The following AFF1 variants were observed in gnomAD, a reference collection of about 807,000 sequenced individuals.
AFF1 encodes AF4/FMR2 family member 1.
In AFF1, 48 loss-of-function variants were observed where a neutral mutation model predicts 121.7. The observed-to-expected ratio is 0.39, with a 90% CI of 0.31 to 0.50. The LOEUF is 0.50. Among genes scored for constraint, AFF1 ranks in the 20% least tolerant of loss-of-function variants. The probability of loss-of-function intolerance (pLI) is 0.76; values close to 1 mark genes in which losing one functional copy is unlikely to be tolerated. For missense variants in AFF1, 1,523 were observed against 1,511.7 expected (o/e 1.01, Z -0.12); for synonymous variants, 613 against 563.0 (o/e 1.09, Z -1.26).
intron 10 of AFF1, among the ~76,000 whole-genome samples, chr4:87,106,722 T>C (rs1208625892): frequency 1.3e-5 from 2 of 152,226 alleles, no homozygotes; most frequent in Non-Finnish European, 2.9e-5. Flanking sequence ...CCTCTGGTAA[T>C]ATGCCAGGTA....
At chr4:87,043,662 T>G (rs12506102) in intron 2 of AFF1, among the ~76,000 whole-genome samples, 84 of 152,346 alleles carry the variant, frequency 5.5e-4, no homozygotes, top group Non-Finnish European at 5.0e-4. Context: ...ACACGACCAG[T>G]TTCTGGTTCA....
At chr4:86,970,420 TA>T (rs1560508778) in intron 2 of AFF1, among the ~76,000 whole-genome samples, 1 of 152,196 alleles carries the variant, frequency 6.6e-6, no homozygotes, top group Non-Finnish European at 1.5e-5. Flanking sequence ...GCTACCTCCT[TA>T]AGAAGATAAA....
intron 2 of AFF1, among the ~76,000 whole-genome samples, chr4:87,017,605 T>A (rs1727434386): frequency 6.6e-6 from 1 of 152,246 alleles, no homozygotes; most frequent in Non-Finnish European, 1.5e-5. Context: ...AAATCCTTTA[T>A]TTTATAATTG....
chr4:87,088,846 C>T lies in AFF1; in HGVS notation c.1105-1138C>T, dbSNP rs777740746. 2.6e-4 allele frequency among the ~76,000 whole-genome samples: 39 copies of T among 152,114 alleles called. No homozygotes were observed. The Middle Eastern group carries it at 0.01, about 40-fold the overall frequency. ...AGGCTGGAGTGCAATGGCACGATCT[C>T]GGCTCACTGCAACCTCAGCCTCCCG... On this transcript the variant is annotated intron_variant, in intron 5 of 20. Transcript: ENST00000395146.
chr4:87,107,374 A>G (rs1035784452), intron 10 of AFF1, among the ~76,000 whole-genome samples: 1 of 152,220 alleles, frequency 6.6e-6, no homozygotes, highest in African/African-American at 2.4e-5. Flanking sequence ...AGTGTGATCA[A>G]TGTGTTTTCT....
Position 87,131,860 on chromosome 4 carries a change from T to C in AFF1, c.3169T>C (p.Leu1057=), listed in dbSNP as rs573071957. ...APTQEKIFAV[L]CMRCQSILNM... ...AACACAAGAGAAAATATTTGCTGTT[T>C]TATGGTGCGTATTTTCCTTTGTCTA... The change falls in exon 18 of 21, where the codon TTA becomes CTA. Residue 1057 remains leucine (L), a synonymous_variant. Coordinates refer to ENST00000395146, the MANE Select transcript of AFF1 (RefSeq NM_001166693.3). The C allele has an allele frequency of 1.9e-6, 3 of 1,584,308 alleles. No homozygotes were observed. Among genetic ancestry groups the C allele is most frequent in the African/African-American group, 1.4e-5 (1 of 73,094 alleles).
rs79282535 is a variant in AFF1, at chr4:87,036,322, C to T, written c.39-9844C>T. Among the ~76,000 whole-genome samples the T allele has an allele frequency of 4.1e-3, 623 of 152,232 alleles. 2 individuals carry two copies. The highest frequency in any genetic ancestry group is 0.014 in the African/African-American group (586 of 41,510). ...CTGAAATTTGTCAGTAACATCAATACGCTGACATTGCATATAACATAAAGA... is the reference window on the plus strand; with the variant it reads ...CTGAAATTTGTCAGTAACATCAATATGCTGACATTGCATATAACATAAAGA... On this transcript the variant is annotated intron_variant, in intron 2 of 20. Coordinates refer to ENST00000395146, the MANE Select transcript of AFF1 (RefSeq NM_001166693.3).
At chr4:87,069,271 CTTTTTTTT>C (rs753186809) in intron 4 of AFF1, among the ~76,000 whole-genome samples, 17 of 80,568 alleles carry the variant, frequency 2.1e-4, no homozygotes, top group East Asian at 8.2e-4. Flanking sequence ...TGTGTGGCCT[CTTTTTTTT>C]TTTTTTTTTT....
chr4:87,116,010 T>A lies in AFF1; in HGVS notation c.2466+711T>A, dbSNP rs367682080. On this transcript the variant is annotated intron_variant, in intron 12 of 20. Coordinates refer to ENST00000395146, the MANE Select transcript of AFF1 (RefSeq NM_001166693.3). ...ATCTGATCTGAATTGAAATGTTAAT[T>A]CATATTCTGAATTATTAAAAGAACG... is the stretch of plus-strand genomic sequence containing the variant. 3.3e-5 allele frequency among the ~76,000 whole-genome samples: 5 copies of A among 152,274 alleles called. 1 individual carries two copies. The highest frequency in any genetic ancestry group is 2.4e-5 in the African/African-American group (1 of 41,526).
At chr4:87,089,788 T>G (rs1724113774) in intron 5 of AFF1, among the ~76,000 whole-genome samples, 196 bp from the exon 6 acceptor site, 1 of 152,224 alleles carries the variant, frequency 6.6e-6, no homozygotes, top group South Asian at 2.1e-4. Context: ...TTTTTAGTTT[T>G]TTATGTTGGA....
intron 2 of AFF1, among the ~76,000 whole-genome samples, chr4:86,999,957 CAGAA>C (rs903485932): frequency 4.6e-5 from 7 of 152,040 alleles, no homozygotes; most frequent in African/African-American, 1.7e-4. Context: ...CCTGTAGTAA[CAGAA>C]AGGAAAGGGT....
At chr4:87,051,167 C>A (rs56656813) in intron 4 of AFF1, among the ~76,000 whole-genome samples, 10,317 of 152,144 alleles carry the variant, frequency 0.068, 599 homozygotes, top group African/African-American at 0.15. Flanking sequence ...AGGGTAAAGT[C>A]CTTCATTTTG....
At chr4:87,060,835 CAAAAAAAAAAAAAAAA>C (rs749186199) in intron 4 of AFF1, among the ~76,000 whole-genome samples, 5 of 62,294 alleles carry the variant, frequency 8.0e-5, no homozygotes, top group East Asian at 5.3e-4. Flanking sequence ...GACTCTGTCT[CAAAAAAAAAAAAAAAA>C]AAAAAAAAAA....
chr4:86,981,314 C>G (rs964283106), intron 2 of AFF1, among the ~76,000 whole-genome samples: 6 of 152,114 alleles, frequency 3.9e-5, no homozygotes, highest in African/African-American at 1.2e-4. Context: ...GAATTGTAGG[C>G]AGGCCTTGCT....
intron 2 of AFF1, among the ~76,000 whole-genome samples, chr4:86,996,498 T>A (rs1725213092): frequency 6.6e-6 from 1 of 151,578 alleles, no homozygotes; most frequent in Non-Finnish European, 1.5e-5. Flanking sequence ...GTGCAAGATG[T>A]GCTTTGTTAA....
intron 2 of AFF1, among the ~76,000 whole-genome samples, chr4:87,019,503 T>G (rs888548450): frequency 2.0e-5 from 3 of 152,180 alleles, no homozygotes; most frequent in Admixed American, 6.5e-5. Flanking sequence ...GTTGGTTGAT[T>G]TAGATCATAC....
At chr4:86,990,797 AT>A in intron 2 of AFF1, among the ~76,000 whole-genome samples, 1 of 152,076 alleles carries the variant, frequency 6.6e-6, no homozygotes, top group Non-Finnish European at 1.5e-5. Context: ...GGTGGAAAAT[AT>A]TTATTTATTA....
intron 8 of AFF1, among the ~76,000 whole-genome samples, chr4:87,100,579 A>G (rs923871712): frequency 6.6e-6 from 1 of 152,056 alleles, no homozygotes; most frequent in African/African-American, 2.4e-5. Context: ...TTACCCATTG[A>G]GAAATGGTGT....
intron 2 of AFF1, among the ~76,000 whole-genome samples, chr4:87,016,551 CAAA>C (rs59972369): frequency 5.6e-5 from 5 of 88,698 alleles, no homozygotes; most frequent in African/African-American, 7.7e-5. Context: ...GACTCTGTCT[CAAA>C]AAAAAAAAAA....
Sources: allele counts gnomAD v4.1 joint callset (sites outside exome capture counted in the v4.1 genomes callset), GRCh38; gene constraint gnomAD v4.1.1; transcripts MANE v1.5; gene names NCBI Gene and HGNC (gene_info 2026-07-23, HGNC 2026-07-21).